The following CDC42BPA variants were observed in gnomAD, a reference collection of about 807,000 sequenced individuals.
CDC42BPA encodes serine/threonine-protein kinase MRCK alpha.
Under a neutral mutation model 223.5 loss-of-function variants are expected in CDC42BPA, and 80 were observed. The ratio of observed to expected loss-of-function variants is 0.36; its 90% confidence interval spans 0.30 to 0.43. The LOEUF (loss-of-function observed/expected upper bound fraction) is 0.43, where lower values mean the gene tolerates loss of function less well. Ranked by LOEUF, CDC42BPA falls within the 20% of genes least tolerant of loss-of-function variation. The pLI is 1.00. For missense variants in CDC42BPA, 1,743 were observed against 2,099.9 expected, an observed-to-expected ratio of 0.83 and a Z score of 3.32; for synonymous variants, 694 against 718.6, an observed-to-expected ratio of 0.97 and a Z score of 0.55.
intron 21 of CDC42BPA, chr1:227,068,786 C>A: frequency 2.7e-6 from 1 of 365,456 alleles, no homozygotes; most frequent in South Asian, 3.8e-5. Flanking sequence ...CTTTGTAAAA[C>A]AATTGAAAGG....
intron 21 of CDC42BPA, among the ~76,000 whole-genome samples, chr1:227,060,717 C>CTT (rs59728048): frequency 0.038 from 3,640 of 95,376 alleles, 243 homozygotes; most frequent in East Asian, 0.17. Flanking sequence ...TAAATAGGTA[C>CTT]TTTTTTTTTT....
chr1:227,161,854 T>C (rs1304322115), intron 5 of CDC42BPA, among the ~76,000 whole-genome samples: 7 of 152,206 alleles, frequency 4.6e-5, no homozygotes, highest in Non-Finnish European at 7.3e-5. Flanking sequence ...AGATGATAGA[T>C]GGTTGCTAAA....
At chr1:227,004,970 C>T in intron 35 of CDC42BPA, 24 bp downstream of exon 35, 1 of 1,540,824 alleles carries the variant, frequency 6.5e-7, no homozygotes, top group Non-Finnish European at 9.0e-7. Context: ...CTCAGAGGCA[C>T]CTTCCTGTAG....
At chr1:227,032,541 ATTC>A (rs1051462820) in intron 27 of CDC42BPA, among the ~76,000 whole-genome samples, 74 of 152,264 alleles carry the variant, frequency 4.9e-4, no homozygotes, top group African/African-American at 1.7e-3. Flanking sequence ...AAGGAATTCC[ATTC>A]TTCTCATCAA....
rs952055512 is a variant in CDC42BPA at position 227,217,629 on chromosome 1, T to G, written c.271-4410A>C. 4.6e-5 allele frequency among the ~76,000 whole-genome samples: 7 copies of G among 152,098 alleles called. No homozygotes were observed. The East Asian group carries it at 1.2e-3, about 25-fold the overall frequency. On this transcript the variant is annotated intron_variant, in intron 2 of 36. Transcript: ENST00000366766. ...CCACAGCTTCCAATGGTTTCCCATC[T>G]GTCTCCAAGTAAAAGTCAAAATCCT...
intron 6 of CDC42BPA, among the ~76,000 whole-genome samples, chr1:227,154,835 T>C (rs1662426039): frequency 6.6e-6 from 1 of 152,082 alleles, no homozygotes; most frequent in African/African-American, 2.4e-5. Context: ...CATAAGCCAG[T>C]GTTTATGAAG....
intron 1 of CDC42BPA, among the ~76,000 whole-genome samples, chr1:227,273,223 G>A (rs761010137): frequency 7.3e-5 from 11 of 151,652 alleles, no homozygotes; most frequent in Admixed American, 3.3e-4. Flanking sequence ...GCTTGAACCC[G>A]GGAGGCAGAG....
intron 21 of CDC42BPA, among the ~76,000 whole-genome samples, chr1:227,055,121 A>G (rs911189807): frequency 6.6e-6 from 1 of 152,042 alleles, no homozygotes; most frequent in Non-Finnish European, 1.5e-5. Flanking sequence ...TTTTAAAGAC[A>G]AAGGACAAAG....
intron 25 of CDC42BPA, among the ~76,000 whole-genome samples, chr1:227,035,061 T>C (rs768783369): frequency 1.3e-5 from 2 of 152,198 alleles, no homozygotes; most frequent in Non-Finnish European, 2.9e-5. Flanking sequence ...TTCATTAAAA[T>C]AACACTCATG....
intron 33 of CDC42BPA, 96 bp downstream of exon 33, chr1:227,016,831 T>C: frequency 1.6e-6 from 2 of 1,230,834 alleles, no homozygotes; most frequent in Non-Finnish European, 2.2e-6. Flanking sequence ...GATTTTCAGA[T>C]ACCCAATTTT....
At chr1:227,119,332 TG>T (rs1271068914) in intron 12 of CDC42BPA, among the ~76,000 whole-genome samples, 2 of 152,088 alleles carry the variant, frequency 1.3e-5, no homozygotes, top group African/African-American at 4.8e-5. Context: ...AAAGTTCTTA[TG>T]AAAATAACTT....
chr1:227,024,691 A>G (rs1667938256), intron 31 of CDC42BPA, among the ~76,000 whole-genome samples: 1 of 152,210 alleles, frequency 6.6e-6, no homozygotes, highest in Admixed American at 6.5e-5. Context: ...AAATGACTAT[A>G]TATTATAACA....
chr1:227,154,540 T>C lies in CDC42BPA; in HGVS notation c.693+6003A>G, dbSNP rs548562910. Among the ~76,000 whole-genome samples, 39 of 152,144 alleles carry C rather than the reference T, an allele frequency of 2.6e-4. 1 individual carries two copies. The South Asian group carries it at 7.0e-3, about 27-fold the overall frequency. ...GCAAGATTGCTAGATTCAGGATGAATATACAAAATCAATTCTAATCCTAAA... is the reference window on the plus strand; with the variant it reads ...GCAAGATTGCTAGATTCAGGATGAACATACAAAATCAATTCTAATCCTAAA... On this transcript the variant is annotated intron_variant, in intron 6 of 36. Coordinates refer to ENST00000366766, the MANE Select transcript of CDC42BPA (RefSeq NM_001394014.1).
At chr1:227,176,056 G>A (rs528921259) in intron 5 of CDC42BPA, among the ~76,000 whole-genome samples, 2 of 152,178 alleles carry the variant, frequency 1.3e-5, no homozygotes, top group East Asian at 3.9e-4. Context: ...AGGTTCAAGC[G>A]ATTCTTGAGC....
At chr1:227,024,929 A>C (rs1032396550) in intron 31 of CDC42BPA, among the ~76,000 whole-genome samples, 1 of 152,176 alleles carries the variant, frequency 6.6e-6, no homozygotes, top group Non-Finnish European at 1.5e-5. Flanking sequence ...TTTCACATAC[A>C]TTGCAAAAAT....
At position 227,258,028 on chromosome 1, in the gene CDC42BPA, G is replaced by C. The variant is rs1294219062; in HGVS notation, c.179-3873C>G. ...CTACAAAAATACAAATATAAAAATC[G>C]GCCAGACACGGTGGCTTGTGCCTGC... is the stretch of plus-strand genomic sequence containing the variant. On this transcript the variant is annotated intron_variant, in intron 1 of 36. Coordinates refer to ENST00000366766, the MANE Select transcript of CDC42BPA (RefSeq NM_001394014.1). Among the ~76,000 whole-genome samples, 3 of 150,162 alleles carry C rather than the reference G, an allele frequency of 2.0e-5. 1 individual carries two copies. The highest frequency in any genetic ancestry group is 7.5e-5 in the African/African-American group (3 of 39,822).
rs558340386 is a variant in CDC42BPA at position 227,103,781 on chromosome 1, C to T, written c.2002-2542G>A. 9.9e-5 allele frequency among the ~76,000 whole-genome samples: 15 copies of T among 152,146 alleles called. 1 individual carries two copies. The South Asian group carries it at 1.0e-3, about 11-fold the overall frequency. ...GCAATAAAATAACAAAAATCAATCT[C>T]ATGTCATACCATTTAGCAAAACAAA... On this transcript the variant is annotated intron_variant, in intron 14 of 36. Transcript: ENST00000366766.
intron 10 of CDC42BPA, among the ~76,000 whole-genome samples, chr1:227,137,866 A>C (rs1184403412): frequency 6.6e-6 from 1 of 152,114 alleles, no homozygotes; most frequent in African/African-American, 2.4e-5. Context: ...GTAGGTTACA[A>C]ACTGGGAAGG....
intron 5 of CDC42BPA, among the ~76,000 whole-genome samples, chr1:227,187,792 G>T (rs961942172): frequency 2.7e-5 from 4 of 148,852 alleles, no homozygotes; most frequent in African/African-American, 9.9e-5. Context: ...AACACCTTAT[G>T]CATAGAGGAA....
Sources: allele counts gnomAD v4.1 joint callset (sites outside exome capture counted in the v4.1 genomes callset), GRCh38; gene constraint gnomAD v4.1.1; transcripts MANE v1.5; gene names NCBI Gene and HGNC (gene_info 2026-07-23, HGNC 2026-07-21).